The following MYO3A variants were observed in gnomAD, a reference collection of about 807,000 sequenced individuals.
The protein encoded by MYO3A is myosin IIIA.
MYO3A carries 180 observed loss-of-function variants against 192.7 expected under a neutral mutation model. The observed-to-expected ratio is 0.93, with a 90% CI of 0.83 to 1.06. The LOEUF (loss-of-function observed/expected upper bound fraction) is 1.06. MYO3A is among the 50% of genes least tolerant of loss of function. The pLI, the probability that MYO3A is intolerant of heterozygous loss-of-function variation, is 0.00. For missense variants in MYO3A, 1,896 were observed against 1,905.0 expected (o/e 1.00, Z 0.09); for synonymous variants, 628 against 645.3 (o/e 0.97, Z 0.41).
At chr10:26,026,667 T>C (rs1488920726) in intron 10 of MYO3A, 135 bp downstream of exon 10, 1 of 985,636 alleles carries the variant, frequency 1.0e-6, no homozygotes, top group Non-Finnish European at 1.6e-6. Flanking sequence ...ATGTCACCTG[T>C]TGAAATGCCT....
intron 20 of MYO3A, among the ~76,000 whole-genome samples, chr10:26,140,617 G>C (rs1840100593): frequency 1.3e-5 from 2 of 151,402 alleles, no homozygotes; most frequent in South Asian, 4.2e-4. Context: ...CCCGGGAAGT[G>C]GAAGTTGCAG....
intron 4 of MYO3A, among the ~76,000 whole-genome samples, chr10:25,956,927 A>G (rs1360054840): frequency 6.6e-6 from 1 of 151,900 alleles, no homozygotes; most frequent in Admixed American, 6.6e-5. Context: ...GTCCCTCTCT[A>G]TGTGTCCATG....
Position 26,128,411 on chromosome 10 carries a change from G to T in MYO3A, c.2135G>T (p.Ser712Ile), listed in dbSNP as rs781339972. ...SSPSGNGDEL[S>I]IGILDIFGFE... Reference sequence around the variant, plus strand: ...TCTAGTGGGAATGGTGATGAGCTGAGCATTGGCATTCTTGATATATTTGGC... The same window carrying T: ...TCTAGTGGGAATGGTGATGAGCTGATCATTGGCATTCTTGATATATTTGGC... The change falls in exon 20 of 35, where the codon AGC (serine) becomes ATC (isoleucine). Residue 712 changes from serine to isoleucine, a missense_variant. Physicochemically the swap from Ser to Ile is moderately radical, Grantham distance 142. Coordinates refer to ENST00000642920, the MANE Select transcript of MYO3A (RefSeq NM_017433.5). The T allele has an allele frequency of 6.2e-7, 1 of 1,613,180 alleles. No individual in the cohort carries two copies. The highest frequency in any genetic ancestry group is 1.1e-5 in the South Asian group (1 of 91,052).
At chr10:26,022,779 T>TA (rs1350918584) in intron 8 of MYO3A, 1 of 152,226 alleles carries the variant, frequency 6.6e-6, no homozygotes, top group Non-Finnish European at 1.5e-5. Context: ...AGTCTGATGT[T>TA]ATTACTCTTG....
rs1269625348 is a variant in MYO3A, at chr10:26,073,513, A to G, written c.1359+3112A>G. Among the ~76,000 whole-genome samples the G allele has an allele frequency of 4.6e-5, 7 of 151,814 alleles. No individual in the cohort carries two copies. The East Asian group carries it at 9.8e-4, about 21-fold the overall frequency. The stretch of plus-strand genomic sequence containing the variant: ...GAACCTGGGAGACGTGAATGGCATG[A>G]ACCTGGGAGGCAGAGCTTGCAGTGA... On this transcript the variant is annotated intron_variant, in intron 14 of 34. Transcript: ENST00000642920.
Position 26,154,740 on chromosome 10 carries a change from C to T in MYO3A, c.2716-6C>T. On this transcript the variant is annotated splice_region_variant and splice_polypyrimidine_tract_variant and intron_variant, in intron 24 of 34. Transcript: ENST00000642920. ...AAGGCATCACTGTCTTCCTTGGTCTCCTTAGGGCGACACTGGAGAAGCCAC... is the reference window on the plus strand; with the variant it reads ...AAGGCATCACTGTCTTCCTTGGTCTTCTTAGGGCGACACTGGAGAAGCCAC... 1 of 1,613,246 alleles carries T rather than the reference C, an allele frequency of 6.2e-7. No homozygotes were observed. Among genetic ancestry groups the T allele is most frequent in the Non-Finnish European group, 8.5e-7 (1 of 1,179,436 alleles).
chr10:26,191,276 C>A (rs145638625), intron 31 of MYO3A, among the ~76,000 whole-genome samples: 404 of 152,186 alleles, frequency 2.7e-3, no homozygotes, highest in Non-Finnish European at 4.5e-3. Context: ...AATAAAAGAA[C>A]ACTATTTATG....
chr10:26,208,052 A>ATT lies in MYO3A; in HGVS notation c.4731-3782_4731-3781dup, dbSNP rs79735522. ...TACTGTAAGTGAGATTGTTTTCTTG[A>ATT]TTTTTTTTTTGATAGTTCATTGTTC... On this transcript the variant is annotated intron_variant, in intron 34 of 34. Coordinates refer to ENST00000642920, the MANE Select transcript of MYO3A (RefSeq NM_017433.5). 4.2e-3 allele frequency among the ~76,000 whole-genome samples: 633 copies of ATT among 150,202 alleles called. 1 individual carries two copies. Among genetic ancestry groups the ATT allele is most frequent in the Non-Finnish European group, 5.9e-3 (401 of 67,402 alleles).
chr10:25,980,608 G>T (rs569387205), intron 4 of MYO3A, among the ~76,000 whole-genome samples: 2 of 152,200 alleles, frequency 1.3e-5, no homozygotes, highest in East Asian at 3.9e-4. Context: ...TTCTGGAGAA[G>T]ACATTCTAGG....
intron 34 of MYO3A, among the ~76,000 whole-genome samples, chr10:26,208,087 TTAAA>T (rs1278146124): frequency 6.6e-6 from 1 of 152,132 alleles, no homozygotes; most frequent in African/African-American, 2.4e-5. Flanking sequence ...CTCATGGACT[TTAAA>T]TGAATGAAAG....
chr10:26,145,296 A>G (rs900148625), intron 21 of MYO3A, 150 bp from the exon 22 acceptor site: 4 of 643,124 alleles, frequency 6.2e-6, no homozygotes, highest in African/African-American at 5.5e-5. Flanking sequence ...TTACTTTACC[A>G]TGTATAATTC....
At chr10:26,081,132 T>TCCCCCCCCCCCCC (rs1564528977) in intron 14 of MYO3A, among the ~76,000 whole-genome samples, 2 of 58,022 alleles carry the variant, frequency 3.4e-5, no homozygotes, top group Non-Finnish European at 8.2e-5. Flanking sequence ...TTATATGCCC[T>TCCCCCCCCCCCCC]TCCCCCCCCC....
At chr10:25,944,650 G>A (rs543933549) in intron 2 of MYO3A, among the ~76,000 whole-genome samples, 3 of 151,884 alleles carry the variant, frequency 2.0e-5, no homozygotes, top group South Asian at 2.1e-4. Context: ...TGTGTTTCTA[G>A]GAATTTGTCC....
At chr10:26,088,589 T>C (rs763722373) in intron 15 of MYO3A, among the ~76,000 whole-genome samples, 184 bp downstream of exon 15, 58 of 152,302 alleles carry the variant, frequency 3.8e-4, no homozygotes, top group Non-Finnish European at 5.6e-4. Flanking sequence ...TTACATCCAA[T>C]AGAGGAATTA....
At chr10:26,031,698 C>G (rs1361185215) in intron 10 of MYO3A, among the ~76,000 whole-genome samples, 1 of 152,240 alleles carries the variant, frequency 6.6e-6, no homozygotes, top group Admixed American at 6.5e-5. Flanking sequence ...CAGGGTCTCA[C>G]TGTTGCTCAG....
intron 17 of MYO3A, among the ~76,000 whole-genome samples, chr10:26,110,466 G>A (rs1387580993): frequency 6.6e-6 from 1 of 152,068 alleles, no homozygotes; most frequent in Non-Finnish European, 1.5e-5. Context: ...GTTCTTAAGT[G>A]GCCAGTATGT....
intron 20 of MYO3A, among the ~76,000 whole-genome samples, chr10:26,139,060 A>C (rs544859990): frequency 3.3e-5 from 5 of 152,308 alleles, no homozygotes; most frequent in African/African-American, 1.2e-4. Context: ...CATGTTTCTT[A>C]TTATGTGGTT....
intron 17 of MYO3A, among the ~76,000 whole-genome samples, chr10:26,112,411 T>C (rs1200887231): frequency 6.6e-6 from 1 of 152,186 alleles, no homozygotes; most frequent in Non-Finnish European, 1.5e-5. Flanking sequence ...TTATCCCCAA[T>C]ATTGATTTTT....
At chr10:26,189,283 G>A (rs76261215) in intron 31 of MYO3A, among the ~76,000 whole-genome samples, 272 of 152,244 alleles carry the variant, frequency 1.8e-3, no homozygotes, top group African/African-American at 6.0e-3. Flanking sequence ...TAATTACCTC[G>A]CTAAAGACCC....
Sources: allele counts gnomAD v4.1 joint callset (sites outside exome capture counted in the v4.1 genomes callset), GRCh38; gene constraint gnomAD v4.1.1; transcripts MANE v1.5; gene names NCBI Gene and HGNC (gene_info 2026-07-23, HGNC 2026-07-21).